Variants in NUP88 observed in about 807,000 individuals in gnomAD.
NUP88 encodes the protein nucleoporin 88.
A neutral mutation model predicts 93.9 loss-of-function variants in NUP88; 57 were observed. That is an observed-to-expected ratio of 0.61 (90% confidence interval 0.49 to 0.76). NUP88 has a LOEUF of 0.76. Ranked by LOEUF, NUP88 falls within the 30% of genes least tolerant of loss-of-function variation. The pLI, the probability that NUP88 is intolerant of heterozygous loss-of-function variation, is 0.00. For synonymous variants in NUP88, 346 were observed against 336.8 expected (o/e 1.03, Z -0.30); for missense variants, 911 against 901.0 (o/e 1.01, Z -0.14).
In NUP88 at chr17:5,414,038, T is replaced by C. The variant is rs758825565; in HGVS notation, c.564A>G (p.Val188=). The C allele has an allele frequency of 6.2e-7, 1 of 1,613,880 alleles. No individual in the cohort carries two copies. Among genetic ancestry groups the C allele is most frequent in the African/African-American group, 1.3e-5 (1 of 75,048 alleles). Residue 188 remains valine, a synonymous_variant, in exon 3 of 17, where the codon GTA becomes GTG. Transcript: ENST00000573584. ...TTACGTTGTCTGATGTTAACAGCAC[T>C]ACGTGGGGATCCAGGATTTCACTTG... is the stretch of plus-strand genomic sequence containing the variant. ...WYPSEILDPH[V]VLLTSDNVIR...
rs376462884 is a variant in NUP88, at chr17:5,385,699, G to T, written c.*507C>A. The T allele has an allele frequency of 4.3e-6, 1 of 231,440 alleles. No homozygotes were observed. The highest frequency in any genetic ancestry group is 6.2e-5 in the East Asian group (1 of 16,260). 14.3% of individuals were successfully genotyped at this position (231,440 alleles called of 1,614,324 possible). On this transcript the variant is annotated 3_prime_UTR_variant, in exon 17 of 17. Transcript: ENST00000573584. ...TGAGCCAGCAGTGGCCTTTGCAATTGTGGATCTTGAGCTCTGCTCTCAGCA... is the reference window on the plus strand; with the variant it reads ...TGAGCCAGCAGTGGCCTTTGCAATTTTGGATCTTGAGCTCTGCTCTCAGCA...
intron 10 of NUP88, among the ~76,000 whole-genome samples, chr17:5,389,597 G>A (rs1036292511): frequency 6.6e-6 from 1 of 151,714 alleles, no homozygotes; most frequent in Non-Finnish European, 1.5e-5. Flanking sequence ...GGCCAACGTG[G>A]TAAAACTGTC....
intron 4 of NUP88, among the ~76,000 whole-genome samples, chr17:5,409,602 A>G (rs1007057461): frequency 2.0e-5 from 3 of 152,204 alleles, no homozygotes; most frequent in African/African-American, 7.2e-5. Flanking sequence ...ATACTCGCAA[A>G]GCACCTACTC....
At chr17:5,403,575 G>T (rs781175120) in intron 7 of NUP88, among the ~76,000 whole-genome samples, 1 of 152,052 alleles carries the variant, frequency 6.6e-6, no homozygotes, top group Non-Finnish European at 1.5e-5. Flanking sequence ...CAAAATAATC[G>T]CTTGAACCTG....
intron 7 of NUP88, among the ~76,000 whole-genome samples, chr17:5,400,578 T>C (rs1432557625): frequency 1.3e-5 from 2 of 152,080 alleles, no homozygotes; most frequent in Non-Finnish European, 2.9e-5. Context: ...ACATAAATAC[T>C]TGCTGGCAAG....
intron 3 of NUP88, among the ~76,000 whole-genome samples, chr17:5,412,558 G>T (rs1167269191): frequency 1.3e-5 from 2 of 152,154 alleles, no homozygotes; most frequent in South Asian, 2.1e-4. Flanking sequence ...CTTGAGAGAA[G>T]ATTCAGGGCA....
intron 11 of NUP88, 65 bp from the exon 12 acceptor site, chr17:5,387,969 T>G (rs1167393355): frequency 7.1e-7 from 1 of 1,414,814 alleles, no homozygotes; most frequent in African/African-American, 1.4e-5. Flanking sequence ...ATAAATAGAC[T>G]CAAGTCACAG....
rs150722589 is a variant in NUP88, at chr17:5,409,425, G to T, written c.681-516C>A. 5.4e-4 allele frequency among the ~76,000 whole-genome samples: 81 copies of T among 150,108 alleles called. 1 individual carries two copies. Among genetic ancestry groups the T allele is most frequent in the African/African-American group, 1.9e-3 (79 of 40,976 alleles). ...TCATGAAATTAAGTGAAAAAAGCTGGCCATAAAATTATTTGGTTCTACTCT... is the reference window on the plus strand; with the variant it reads ...TCATGAAATTAAGTGAAAAAAGCTGTCCATAAAATTATTTGGTTCTACTCT... On this transcript the variant is annotated intron_variant, in intron 4 of 16. Transcript: ENST00000573584.
intron 4 of NUP88, 48 bp downstream of exon 4, chr17:5,410,655 C>T: frequency 1.7e-6 from 2 of 1,151,146 alleles, no homozygotes; most frequent in Non-Finnish European, 2.6e-6. Flanking sequence ...ATTTATAATC[C>T]CAATAAGCTA....
intron 5 of NUP88, among the ~76,000 whole-genome samples, chr17:5,406,892 G>T (rs779412282): frequency 6.6e-6 from 1 of 152,158 alleles, no homozygotes; most frequent in Non-Finnish European, 1.5e-5. Context: ...GGACAAGCTT[G>T]GTGTATACTT....
chr17:5,397,649 T>C (rs542410864), intron 8 of NUP88, among the ~76,000 whole-genome samples: 3 of 152,230 alleles, frequency 2.0e-5, no homozygotes, highest in African/African-American at 7.2e-5. Flanking sequence ...GATAACAAAT[T>C]TGTCATGTTT....
At chr17:5,399,112 C>CA (rs1445830392) in intron 8 of NUP88, among the ~76,000 whole-genome samples, 3 of 150,612 alleles carry the variant, frequency 2.0e-5, no homozygotes, top group Admixed American at 2.0e-4. Context: ...AGGATGGTCT[C>CA]AATCTCCTGA....
At chr17:5,404,078 T>C in intron 7 of NUP88, 21 bp downstream of exon 7, 1 of 1,610,586 alleles carries the variant, frequency 6.2e-7, no homozygotes, top group South Asian at 1.1e-5. Flanking sequence ...AAAAAAGCAC[T>C]ACATTTATTG....
chr17:5,410,519 C>T (rs140124302), intron 4 of NUP88, among the ~76,000 whole-genome samples, 184 bp downstream of exon 4: 1,530 of 152,228 alleles, frequency 0.01, 22 homozygotes, highest in African/African-American at 0.035. Context: ...ATCACTTGAG[C>T]CTAGGAGTTC....
rs891397732 is a variant in NUP88 at position 5,385,309 on chromosome 17, A to C, written c.*897T>G. Reference sequence around the variant, plus strand: ...AAGGCAGGATTTAGCCCTTCTAGGCAAAAGAAAAGCTCAGTTGGGTTTCAC... The same window carrying C: ...AAGGCAGGATTTAGCCCTTCTAGGCCAAAGAAAAGCTCAGTTGGGTTTCAC... On this transcript the variant is annotated 3_prime_UTR_variant, in exon 17 of 17. Coordinates refer to ENST00000573584, the MANE Select transcript of NUP88 (RefSeq NM_002532.6). 4.3e-6 allele frequency: 1 copy of C among 231,060 alleles called. No homozygotes were observed. Among genetic ancestry groups the C allele is most frequent in the Non-Finnish European group, 8.6e-6 (1 of 116,794 alleles). The allele number at this position is 231,060 out of a possible 1,614,324, so 14.3% of individuals were successfully genotyped here.
chr17:5,409,755 G>A (rs963720235), intron 4 of NUP88, among the ~76,000 whole-genome samples: 1 of 152,204 alleles, frequency 6.6e-6, no homozygotes, highest in East Asian at 1.9e-4. Context: ...ATAAAGTAGG[G>A]TAAGAGGGTA....
At chr17:5,401,711 G>A (rs1027394379) in intron 7 of NUP88, among the ~76,000 whole-genome samples, 1 of 152,162 alleles carries the variant, frequency 6.6e-6, no homozygotes. Flanking sequence ...ATTTGCGTAT[G>A]TTTTAAGACT....
intron 5 of NUP88, among the ~76,000 whole-genome samples, chr17:5,408,387 T>C (rs748123367): frequency 3.3e-5 from 5 of 152,338 alleles, no homozygotes; most frequent in Non-Finnish European, 7.3e-5. Context: ...TGTATCTTTC[T>C]CCCCACAACT....
Position 5,417,387 on chromosome 17 carries a change from G to T in NUP88, c.298-705C>A, listed in dbSNP as rs12386068. Reference sequence around the variant, plus strand: ...AGGCGCTGAGGTGGGAGGATCACTCGACCCCTGACAGTAGAGGCTCCAATG... The same window carrying T: ...AGGCGCTGAGGTGGGAGGATCACTCTACCCCTGACAGTAGAGGCTCCAATG... On this transcript the variant is annotated intron_variant, in intron 1 of 16. Coordinates refer to ENST00000573584, the MANE Select transcript of NUP88 (RefSeq NM_002532.6). Among the ~76,000 whole-genome samples, 39 of 152,198 alleles carry T rather than the reference G, an allele frequency of 2.6e-4. 1 individual carries two copies. In the East Asian group the frequency reaches 7.5e-3, roughly 29 times the overall value.
Sources: allele counts gnomAD v4.1 joint callset (sites outside exome capture counted in the v4.1 genomes callset), GRCh38; gene constraint gnomAD v4.1.1; transcripts MANE v1.5; gene names NCBI Gene and HGNC (gene_info 2026-07-23, HGNC 2026-07-21).